Variants in DLGAP3 observed in about 807,000 individuals in gnomAD.
The protein encoded by DLGAP3 is disks large-associated protein 3.
In DLGAP3, 17 loss-of-function variants were observed where a neutral mutation model predicts 81.2. That is an observed-to-expected ratio of 0.21 (90% CI 0.14 to 0.31). DLGAP3 has a LOEUF of 0.31. DLGAP3 is among the 10% of genes least tolerant of loss of function. The pLI is 1.00. For synonymous variants in DLGAP3, 577 were observed against 587.4 expected (o/e 0.98, Z 0.26); for missense variants, 1,124 against 1,388.0 (o/e 0.81, Z 3.02).
chr1:34,914,163 T>C (rs1215237543), intron 1 of DLGAP3, among the ~76,000 whole-genome samples: 1 of 152,178 alleles, frequency 6.6e-6, no homozygotes, highest in African/African-American at 2.4e-5. Context: ...TAGGGCCATG[T>C]ACCCAACAGG....
intron 2 of DLGAP3, 141 bp downstream of exon 2, chr1:34,907,214 C>G (rs2148413971): frequency 6.5e-6 from 1 of 152,744 alleles, no homozygotes; most frequent in South Asian, 2.1e-4. Context: ...TCCACACTTA[C>G]CCATGAGAAA....
chr1:34,920,212 C>G (rs369123960), intron 1 of DLGAP3, among the ~76,000 whole-genome samples: 1 of 152,160 alleles, frequency 6.6e-6, no homozygotes, highest in African/African-American at 2.4e-5. Context: ...CTCCTAAGAC[C>G]GTTCCCTTTG....
chr1:34,866,661 G>A (rs1638885114), intron 11 of DLGAP3, among the ~76,000 whole-genome samples: 1 of 152,180 alleles, frequency 6.6e-6, no homozygotes, highest in Non-Finnish European at 1.5e-5. Context: ...TCGCAGACAA[G>A]GTCCAGGGAC....
chr1:34,882,558 A>G (rs1346974595), intron 8 of DLGAP3, among the ~76,000 whole-genome samples: 1 of 152,232 alleles, frequency 6.6e-6, no homozygotes, highest in Non-Finnish European at 1.5e-5. Flanking sequence ...GTAAAATGCA[A>G]TAGAAGAAAA....
In DLGAP3 at chr1:34,904,714, G is replaced by GATGGTGGTT; in HGVS notation, c.669_670insAACCACCAT (p.His223_His224insAsnHisHis). The GATGGTGGTT allele has an allele frequency of 6.2e-7, 1 of 1,613,228 alleles. No individual in the cohort carries two copies. Among genetic ancestry groups the GATGGTGGTT allele is most frequent in the Non-Finnish European group, 8.5e-7 (1 of 1,180,006 alleles). Reference sequence around the variant, plus strand: ...TGGTGATGGTGGTGGTGATGGTGGTGATGGGAGGTGTGGGGGCCTCCAGAG... The same window carrying GATGGTGGTT: ...TGGTGATGGTGGTGGTGATGGTGGTGATGGTGGTTATGGGAGGTGTGGGGGCCTCCAGAG... On this transcript the variant is annotated inframe_insertion, in exon 3 of 12. Transcript: ENST00000373347. This position sits in a 1 kb window ranked among gnomAD's most constrained non-coding sequence, Gnocchi z 8.1.
chr1:34,901,799 C>T (rs1639464675), intron 3 of DLGAP3, among the ~76,000 whole-genome samples: 1 of 152,162 alleles, frequency 6.6e-6, no homozygotes. Context: ...GGTGTCTATG[C>T]TCTAAGAACT....
In DLGAP3 at chr1:34,911,111, T is replaced by C. The variant is rs573178944; in HGVS notation, c.-134-3674A>G. On this transcript the variant is annotated intron_variant, in intron 1 of 11. Coordinates refer to ENST00000373347, the MANE Select transcript of DLGAP3 (RefSeq NM_001080418.3). The stretch of plus-strand genomic sequence containing the variant: ...CTCCCCAAGGTCACACCGAGAGCTG[T>C]TGTCAAAGCCAGAAGTCAAATCCAG... 7.4e-5 allele frequency among the ~76,000 whole-genome samples: 11 copies of C among 148,562 alleles called. No individual in the cohort carries two copies. The East Asian group carries it at 2.3e-3, about 31-fold the overall frequency.
At chr1:34,880,407 G>C (rs552531011) in intron 8 of DLGAP3, among the ~76,000 whole-genome samples, 2 of 152,250 alleles carry the variant, frequency 1.3e-5, no homozygotes, top group East Asian at 3.9e-4. Context: ...ACTCAAGAAA[G>C]AGAGGTAAGA....
Position 34,869,451 on chromosome 1 carries a change from C to G in DLGAP3, c.2001-362G>C, listed in dbSNP as rs1023815522. 2.8e-5 allele frequency among the ~76,000 whole-genome samples: 4 copies of G among 143,444 alleles called. No individual in the cohort carries two copies. The East Asian group carries it at 8.1e-4, about 29-fold the overall frequency. 94.1% of individuals were successfully genotyped at this position (143,444 alleles called of 152,430 possible). ...TCAGGGAGGAGCCAGGGTGGTGGCT[C>G]TTTACCAGTGAAGGCAGAAGATATT... On this transcript the variant is annotated intron_variant, in intron 8 of 11. Coordinates refer to ENST00000373347, the MANE Select transcript of DLGAP3 (RefSeq NM_001080418.3).
intron 8 of DLGAP3, among the ~76,000 whole-genome samples, chr1:34,874,075 G>A (rs556889805): frequency 6.6e-6 from 1 of 152,324 alleles, no homozygotes; most frequent in South Asian, 2.1e-4. Context: ...CTTAAAAGGA[G>A]GGGGTATGCC....
At chr1:34,906,302 T>C (rs200133413) in intron 2 of DLGAP3, among the ~76,000 whole-genome samples, 1 of 151,662 alleles carries the variant, frequency 6.6e-6, no homozygotes, top group Non-Finnish European at 1.5e-5. Context: ...GGCAAATAGA[T>C]CCACAGCCAC....
intron 5 of DLGAP3, among the ~76,000 whole-genome samples, chr1:34,893,022 A>C (rs1184744217): frequency 6.6e-6 from 1 of 150,678 alleles, no homozygotes; most frequent in Admixed American, 6.6e-5. Context: ...AATACAAAAA[A>C]TTAGCCGGGC....
rs919002574 is a variant in DLGAP3, at chr1:34,904,886, G to A, written c.498C>T (p.Ser166=). ...GAACCAGGTGCCGGATGCGGCTAGG[G>A]CTCTCACTGCGGGGCTCTGGGGCAG... ...TGTAPEPRSE[S]PSRIRHLVHS... The change falls in exon 3 of 12, where the codon AGC becomes AGT. Residue 166 remains serine, a synonymous_variant. Transcript: ENST00000373347. The surrounding 1 kb of genome is among the most constrained non-coding windows in gnomAD (Gnocchi z 8.1). 4 of 1,610,744 alleles carry A rather than the reference G, an allele frequency of 2.5e-6. No individual in the cohort carries two copies. The highest frequency in any genetic ancestry group is 3.4e-6 in the Non-Finnish European group (4 of 1,180,018).
intron 11 of DLGAP3, among the ~76,000 whole-genome samples, chr1:34,866,791 C>CG (rs1638888671): frequency 6.6e-6 from 1 of 152,108 alleles, no homozygotes; most frequent in South Asian, 2.1e-4. Flanking sequence ...GCCACCCCCC[C>CG]AACCCCGCTC....
chr1:34,892,681 C>T (rs938250422), intron 5 of DLGAP3, among the ~76,000 whole-genome samples: 1 of 88,774 alleles, frequency 1.1e-5, no homozygotes, highest in African/African-American at 3.0e-5. Flanking sequence ...CTGTGCCTAC[C>T]TACCAAATTT....
At chr1:34,924,448 C>G (rs1346482132) in intron 1 of DLGAP3, among the ~76,000 whole-genome samples, 1 of 152,188 alleles carries the variant, frequency 6.6e-6, no homozygotes, top group Non-Finnish European at 1.5e-5. Flanking sequence ...ACAGGACAGG[C>G]TTGCAGAATA....
At chr1:34,866,408 A>G in intron 11 of DLGAP3, 107 bp from the exon 12 acceptor site, 2 of 901,490 alleles carry the variant, frequency 2.2e-6, no homozygotes, top group Non-Finnish European at 3.3e-6. Context: ...CGTGGCTCCG[A>G]ACGCGATGGC....
chr1:34,920,672 A>G (rs1337452449), intron 1 of DLGAP3, among the ~76,000 whole-genome samples: 3 of 152,194 alleles, frequency 2.0e-5, no homozygotes, highest in African/African-American at 7.2e-5. Flanking sequence ...CCTGCCTTGC[A>G]TCTTGTTCAC....
chr1:34,913,376 C>G (rs184698810), intron 1 of DLGAP3, among the ~76,000 whole-genome samples: 4 of 152,224 alleles, frequency 2.6e-5, no homozygotes, highest in African/African-American at 9.6e-5. Flanking sequence ...AAAATCCCAC[C>G]TCAGGGGGCT....
Sources: gnomAD v4.1 joint callset for allele counts (sites outside exome capture counted in the v4.1 genomes callset) on GRCh38, gnomAD v4.1.1 for gene constraint, Gnocchi (gnomAD v3.1) non-coding constraint, MANE v1.5 for transcripts, NCBI Gene and HGNC (gene_info 2026-07-23, HGNC 2026-07-21) for gene names.